The following CDK14 variants were observed in gnomAD, a reference collection of about 807,000 sequenced individuals.
CDK14 encodes cyclin dependent kinase 14.
In CDK14, 34 loss-of-function variants were observed where a neutral mutation model predicts 60.7. That is an observed-to-expected ratio of 0.56 (90% CI 0.43 to 0.75). The LOEUF is 0.75. CDK14 is among the 30% of genes least tolerant of loss of function. The pLI is 0.00. For synonymous variants in CDK14, 197 were observed against 203.7 expected (o/e 0.97, Z 0.28); for missense variants, 482 against 564.1 (o/e 0.85, Z 1.47).
intron 12 of CDK14, chr7:91,107,665 A>G (rs1015588461): frequency 6.6e-6 from 1 of 152,262 alleles, no homozygotes; most frequent in Non-Finnish European, 1.5e-5. Context: ...AAGATGCAGT[A>G]AAGTTCGTAA....
intron 1 of CDK14, among the ~76,000 whole-genome samples, chr7:90,599,843 A>C (rs1237896720): frequency 6.6e-6 from 1 of 152,236 alleles, no homozygotes; most frequent in African/African-American, 2.4e-5. Flanking sequence ...AGAAATTATT[A>C]ATCATTCATC....
chr7:90,611,705 C>A (rs759610067), intron 2 of CDK14, among the ~76,000 whole-genome samples: 2 of 152,196 alleles, frequency 1.3e-5, no homozygotes, highest in Non-Finnish European at 2.9e-5. Flanking sequence ...TACAAATTTG[C>A]CGATCCCCTG....
At chr7:90,846,437 T>G (rs2117164000) in intron 5 of CDK14, among the ~76,000 whole-genome samples, 1 of 152,364 alleles carries the variant, frequency 6.6e-6, no homozygotes, top group South Asian at 2.1e-4. Context: ...ACTGCCAGTC[T>G]GTGCTGTTGC....
chr7:90,838,611 T>C (rs1355165918), intron 5 of CDK14, among the ~76,000 whole-genome samples: 2 of 152,162 alleles, frequency 1.3e-5, no homozygotes, highest in Admixed American at 1.3e-4. Flanking sequence ...AGGAATGCAT[T>C]CCCAGGGGTA....
At chr7:91,052,302 G>A (rs1165955982) in intron 11 of CDK14, among the ~76,000 whole-genome samples, 1 of 152,178 alleles carries the variant, frequency 6.6e-6, no homozygotes, top group Admixed American at 6.5e-5. Flanking sequence ...AGGTCTCCCT[G>A]GGTCTCACTT....
At chr7:90,953,419 C>T (rs2117557529) in intron 8 of CDK14, among the ~76,000 whole-genome samples, 1 of 152,196 alleles carries the variant, frequency 6.6e-6, no homozygotes, top group East Asian at 1.9e-4. Flanking sequence ...TTGGCCTAAA[C>T]ATGTGGGAAA....
Position 91,207,781 on chromosome 7 carries a change from C to T in CDK14, c.*645C>T, listed in dbSNP as rs987012041. Reference sequence around the variant, plus strand: ...GCACATTTATATATAGGATATTGGACTCTGCTTAGCATTTTCAAGCCACAT... The same window carrying T: ...GCACATTTATATATAGGATATTGGATTCTGCTTAGCATTTTCAAGCCACAT... On this transcript the variant is annotated 3_prime_UTR_variant, in exon 15 of 15. Transcript: ENST00000380050. 5.2e-5 allele frequency: 8 copies of T among 152,660 alleles called. No homozygotes were observed. The highest frequency in any genetic ancestry group is 8.8e-5 in the Non-Finnish European group (6 of 68,046). 9.5% of individuals were successfully genotyped at this position (152,660 alleles called of 1,614,324 possible). A position where few individuals can be genotyped will look rare whatever the true frequency, so the allele number is the denominator to read the frequency against.
intron 14 of CDK14, among the ~76,000 whole-genome samples, chr7:91,122,996 G>A (rs1047552053): frequency 6.6e-6 from 1 of 152,182 alleles, no homozygotes; most frequent in African/African-American, 2.4e-5. Context: ...CAGAAACTTG[G>A]AGAAGGTTTT....
intron 4 of CDK14, among the ~76,000 whole-genome samples, chr7:90,749,706 T>C (rs1218789604): frequency 1.3e-5 from 2 of 152,204 alleles, no homozygotes; most frequent in Non-Finnish European, 2.9e-5. Context: ...GAGTTTAGGC[T>C]GCCTCCACTT....
At chr7:91,019,474 C>G (rs965510424) in intron 10 of CDK14, among the ~76,000 whole-genome samples, 2 of 152,108 alleles carry the variant, frequency 1.3e-5, no homozygotes, top group African/African-American at 2.4e-5. Context: ...AATTCAAAAT[C>G]TTTTTAGTCT....
rs1802968173 is a variant in CDK14 at position 91,208,373 on chromosome 7, GT to G, written c.*1238del. 1 of 152,678 alleles carries G rather than the reference GT, an allele frequency of 6.5e-6. No homozygotes were observed. The highest frequency in any genetic ancestry group is 2.4e-5 in the African/African-American group (1 of 41,464). The allele number at this position is 152,678 out of a possible 1,614,324, so 9.5% of individuals were successfully genotyped here. On this transcript the variant is annotated 3_prime_UTR_variant, in exon 15 of 15. Transcript: ENST00000380050. ...CACTGGAGAAAAGTGGACCAGGCAT[GT>G]CTTTTGCTTTGATCTGGAGGGAGGG...
intron 7 of CDK14, among the ~76,000 whole-genome samples, chr7:90,907,180 T>A (rs1792735628): frequency 6.6e-6 from 1 of 152,078 alleles, no homozygotes; most frequent in Admixed American, 6.6e-5. Context: ...ATAATAGGTA[T>A]GTGGGAAACT....
intron 3 of CDK14, among the ~76,000 whole-genome samples, chr7:90,733,274 T>C (rs1199788905): frequency 2.6e-5 from 4 of 152,110 alleles, no homozygotes; most frequent in Non-Finnish European, 5.9e-5. Context: ...TCAATTTTAG[T>C]GTATGTGTGA....
intron 2 of CDK14, among the ~76,000 whole-genome samples, chr7:90,702,416 A>C (rs1801804267): frequency 6.6e-6 from 1 of 152,092 alleles, no homozygotes; most frequent in Non-Finnish European, 1.5e-5. Flanking sequence ...GAACTGTTAA[A>C]TGATCTATGA....
At chr7:91,170,133 C>T (rs1322844116) in intron 14 of CDK14, among the ~76,000 whole-genome samples, 2 of 152,176 alleles carry the variant, frequency 1.3e-5, no homozygotes, top group African/African-American at 4.8e-5. Flanking sequence ...TGTGATGACA[C>T]GAGCTGTTCC....
rs761864665 is a variant in CDK14, at chr7:90,761,811, T to C, written c.464+14036T>C. On this transcript the variant is annotated intron_variant, in intron 4 of 14. Coordinates refer to ENST00000380050, the MANE Select transcript of CDK14 (RefSeq NM_001287135.2). The stretch of plus-strand genomic sequence containing the variant: ...TCTTAAGAAATGCATGGAGGCAGTG[T>C]CTGTTTAAGATAGTGCATTCCTTTT... Among the ~76,000 whole-genome samples the C allele has an allele frequency of 1.6e-4, 24 of 152,352 alleles. No individual in the cohort carries two copies. In the Middle Eastern group the frequency reaches 0.014, roughly 86 times the overall value.
intron 5 of CDK14, among the ~76,000 whole-genome samples, chr7:90,841,427 CT>C (rs373962978): frequency 0.022 from 3,274 of 150,790 alleles, 107 homozygotes; most frequent in African/African-American, 0.076. Flanking sequence ...TTTCTGCTTA[CT>C]TTTTTTTTGT....
chr7:90,798,466 A>G (rs1788520310), intron 5 of CDK14, among the ~76,000 whole-genome samples: 1 of 152,206 alleles, frequency 6.6e-6, no homozygotes, highest in South Asian at 2.1e-4. Context: ...TCAATTTTAC[A>G]TTGATGAGGA....
chr7:90,951,865 C>T (rs978337635), intron 8 of CDK14, among the ~76,000 whole-genome samples: 1 of 152,076 alleles, frequency 6.6e-6, no homozygotes, highest in Non-Finnish European at 1.5e-5. Context: ...TAAGGAATTA[C>T]ATAGAACCAG....
Sources: allele counts gnomAD v4.1 joint callset (sites outside exome capture counted in the v4.1 genomes callset), GRCh38; gene constraint gnomAD v4.1.1; transcripts MANE v1.5; gene names NCBI Gene and HGNC (gene_info 2026-07-23, HGNC 2026-07-21).